The following CPED1 variants were observed in gnomAD, a reference collection of about 807,000 sequenced individuals.
CPED1 encodes cadherin like and PC-esterase domain containing 1.
In CPED1, 114 loss-of-function variants were observed where a neutral mutation model predicts 128.2. The observed-to-expected ratio is 0.89, with a 90% confidence interval of 0.76 to 1.04. CPED1 has a LOEUF of 1.04. CPED1 is among the 50% of genes least tolerant of loss of function. CPED1 has a pLI of 0.00. For synonymous variants in CPED1, 462 were observed against 426.7 expected (o/e 1.08, Z -1.02); for missense variants, 1,211 against 1,207.1 (o/e 1.00, Z -0.05).
chr7:121,059,430 T>C (rs1479441084), intron 4 of CPED1, among the ~76,000 whole-genome samples: 3 of 152,232 alleles, frequency 2.0e-5, no homozygotes, highest in African/African-American at 7.2e-5. Context: ...GGAGAAGTTC[T>C]AATTTTTGTT....
chr7:121,093,573 C>T (rs1007584014), intron 5 of CPED1, among the ~76,000 whole-genome samples: 1 of 152,126 alleles, frequency 6.6e-6, no homozygotes, highest in African/African-American at 2.4e-5. Context: ...AGGGAGCCGT[C>T]CTCCACAGAC....
chr7:121,061,937 C>T (rs967227904), intron 4 of CPED1, among the ~76,000 whole-genome samples: 4 of 152,244 alleles, frequency 2.6e-5, no homozygotes, highest in African/African-American at 9.6e-5. Context: ...GTTTGGTGTT[C>T]AGTTCCAGAG....
chr7:121,216,808 T>G (rs1222971291), intron 16 of CPED1, among the ~76,000 whole-genome samples: 1 of 152,064 alleles, frequency 6.6e-6, no homozygotes, highest in African/African-American at 2.4e-5. Flanking sequence ...AAAGGAATGG[T>G]AAATATATGG....
intron 21 of CPED1, among the ~76,000 whole-genome samples, chr7:121,267,767 C>T (rs1323513112): frequency 6.6e-6 from 1 of 151,988 alleles, no homozygotes; most frequent in Non-Finnish European, 1.5e-5. Context: ...GGACGAGAAC[C>T]AGCTGCTCTT....
intron 2 of CPED1, among the ~76,000 whole-genome samples, chr7:120,996,535 C>T (rs888381209): frequency 6.6e-6 from 1 of 152,094 alleles, no homozygotes; most frequent in Non-Finnish European, 1.5e-5. Context: ...GGATTTCCTC[C>T]TTGTGGTTTA....
chr7:121,262,132 T>C (rs1002819011), intron 18 of CPED1, among the ~76,000 whole-genome samples: 1 of 151,996 alleles, frequency 6.6e-6, no homozygotes, highest in African/African-American at 2.4e-5. Flanking sequence ...GCCTGGCATG[T>C]CTCCTGCTCC....
intron 16 of CPED1, among the ~76,000 whole-genome samples, chr7:121,233,384 G>A (rs6965195): frequency 0.31 from 47,395 of 151,762 alleles, 7,893 homozygotes; most frequent in Middle Eastern, 0.46. Flanking sequence ...TGACACTTAA[G>A]ACCAAAAAAG....
intron 16 of CPED1, among the ~76,000 whole-genome samples, chr7:121,186,895 C>T (rs778553901): frequency 1.2e-4 from 18 of 152,166 alleles, no homozygotes; most frequent in Admixed American, 2.6e-4. Flanking sequence ...GCTGGGTCAT[C>T]GTACTTCAGA....
intron 3 of CPED1, among the ~76,000 whole-genome samples, chr7:121,031,370 G>T (rs1015827996): frequency 5.3e-5 from 8 of 152,084 alleles, no homozygotes; most frequent in African/African-American, 1.9e-4. Flanking sequence ...GGAGGGCAGT[G>T]GCGTGATCCC....
chr7:121,142,122 C>T lies in CPED1; in HGVS notation c.2036C>T (p.Thr679Ile), dbSNP rs754935052. ...RPSLPLFEAF[T>I]ACGFVQDCGL... ...AGTCTGCCCTTGTTTGAGGCCTTCA[C>T]AGCATGTGGTTTTGTGCAGGTAAGT... The change falls in exon 16 of 23, where the codon ACA becomes ATA. Residue 679 changes from threonine (T) to isoleucine (I), a missense_variant. Physicochemically the swap from Thr to Ile is moderately conservative, Grantham distance 89. Coordinates refer to ENST00000310396, the MANE Select transcript of CPED1 (RefSeq NM_024913.5). 1.2e-6 allele frequency: 2 copies of T among 1,611,298 alleles called. No individual in the cohort carries two copies. Among genetic ancestry groups the T allele is most frequent in the South Asian group, 2.2e-5 (2 of 90,796 alleles).
chr7:121,047,653 T>TTCCTCTTCCTCTTCC (rs1563004741), intron 4 of CPED1, among the ~76,000 whole-genome samples: 89 of 5,064 alleles, frequency 0.018, 2 homozygotes, highest in African/African-American at 0.021. Flanking sequence ...ACCTTTCTTC[T>TTCCTCTTCCTCTTCC]TCTTCTTCTT....
chr7:121,066,631 A>G (rs1355536291), intron 5 of CPED1, among the ~76,000 whole-genome samples: 1 of 152,072 alleles, frequency 6.6e-6, no homozygotes, highest in African/African-American at 2.4e-5. Context: ...TCACAAGCTT[A>G]CAGGTCAACC....
At chr7:121,021,626 T>C (rs1301427717) in intron 3 of CPED1, among the ~76,000 whole-genome samples, 2 of 152,000 alleles carry the variant, frequency 1.3e-5, no homozygotes, top group Non-Finnish European at 2.9e-5. Flanking sequence ...TTAAAAAGTA[T>C]AAGCATTGAA....
At chr7:121,201,804 T>A (rs1312521781) in intron 16 of CPED1, among the ~76,000 whole-genome samples, 3 of 152,086 alleles carry the variant, frequency 2.0e-5, no homozygotes, top group Non-Finnish European at 4.4e-5. Flanking sequence ...TATTTTTTTC[T>A]TATCTGACAA....
chr7:121,047,671 T>TTCCTCTTCCTCTTCCTCTTCCTCC (rs1793237268), intron 4 of CPED1, among the ~76,000 whole-genome samples: 2 of 11,534 alleles, frequency 1.7e-4, no homozygotes, highest in African/African-American at 4.3e-4. Context: ...CTTCTTCTTC[T>TTCCTCTTCCTCTTCCTCTTCCTCC]TCTTCTTCTT....
intron 5 of CPED1, chr7:121,076,548 T>C (rs1261696786): frequency 6.6e-6 from 1 of 152,200 alleles, no homozygotes; most frequent in African/African-American, 2.4e-5. Context: ...GGCTGACTCA[T>C]AGTTTTGTAC....
intron 3 of CPED1, among the ~76,000 whole-genome samples, chr7:121,029,817 T>C (rs536241426): frequency 1.3e-4 from 20 of 152,218 alleles, no homozygotes; most frequent in Non-Finnish European, 2.1e-4. Context: ...TTTAAGGCAC[T>C]CTGTCTTATA....
chr7:121,050,967 G>T, intron 4 of CPED1: 1 of 509,988 alleles, frequency 2.0e-6, no homozygotes, highest in Non-Finnish European at 4.0e-6. Context: ...GGAGATTGGC[G>T]CAGTTGTCAG....
At chr7:121,095,800 T>C (rs1370713432) in intron 5 of CPED1, among the ~76,000 whole-genome samples, 2 of 152,154 alleles carry the variant, frequency 1.3e-5, no homozygotes. Context: ...AGATACTATC[T>C]TGGCACAAAA....
Sources: gnomAD v4.1 joint callset for allele counts (sites outside exome capture counted in the v4.1 genomes callset) on GRCh38, gnomAD v4.1.1 for gene constraint, MANE v1.5 for transcripts, NCBI Gene and HGNC (gene_info 2026-07-23, HGNC 2026-07-21) for gene names.